Variants in VPS13C observed in about 807,000 individuals in gnomAD.
The protein encoded by VPS13C is intermembrane lipid transfer protein VPS13C.
VPS13C carries 358 observed loss-of-function variants against 456.8 expected under a neutral mutation model. The observed-to-expected ratio is 0.78, with a 90% CI of 0.72 to 0.86. VPS13C has a LOEUF of 0.86. Ranked by LOEUF, VPS13C falls within the 40% of genes least tolerant of loss-of-function variation. The pLI is 0.00. For missense variants in VPS13C, 4,818 were observed against 4,385.4 expected, an observed-to-expected ratio of 1.10 and a Z score of -2.79; for synonymous variants, 1,578 against 1,486.7, an observed-to-expected ratio of 1.06 and a Z score of -1.41.
At chr15:61,887,618 T>C (rs1460511304) in intron 67 of VPS13C, among the ~76,000 whole-genome samples, 1 of 152,058 alleles carries the variant, frequency 6.6e-6, no homozygotes, top group Non-Finnish European at 1.5e-5. Context: ...TTGAGCATAG[T>C]TGGCAGAGGT....
At chr15:61,981,587 G>A (rs1384677386) in intron 21 of VPS13C, 109 bp from the exon 22 acceptor site, 2 of 1,192,650 alleles carry the variant, frequency 1.7e-6, no homozygotes, top group African/African-American at 1.6e-5. Context: ...CAGGTCGGGT[G>A]CGGTGGCTCA....
At chr15:61,873,456 C>A (rs1484832418) in intron 77 of VPS13C, 47 bp from the exon 78 acceptor site, 4 of 1,549,710 alleles carry the variant, frequency 2.6e-6, no homozygotes, top group Non-Finnish European at 3.5e-6. Flanking sequence ...AGGAACTATA[C>A]AAGGAACTCA....
At chr15:62,031,824 G>A (rs1263297616) in intron 5 of VPS13C, among the ~76,000 whole-genome samples, 1 of 151,790 alleles carries the variant, frequency 6.6e-6, no homozygotes, top group Non-Finnish European at 1.5e-5. Context: ...TGTTTTCTCA[G>A]CACTGAAGAC....
intron 14 of VPS13C, among the ~76,000 whole-genome samples, chr15:62,008,221 AC>A (rs955226561): frequency 6.6e-6 from 1 of 151,524 alleles, no homozygotes; most frequent in African/African-American, 2.4e-5. Flanking sequence ...ACAGAGCAAG[AC>A]TCTGTCTCAA....
intron 53 of VPS13C, among the ~76,000 whole-genome samples, chr15:61,925,192 A>C (rs4775453): frequency 0.61 from 91,777 of 150,846 alleles, 28,305 homozygotes; most frequent in East Asian, 0.76. Context: ...CTCAACCCCC[A>C]CAACACACGC....
At chr15:61,896,393 C>T (rs188840049) in intron 66 of VPS13C, among the ~76,000 whole-genome samples, 10 of 152,108 alleles carry the variant, frequency 6.6e-5, no homozygotes, top group Non-Finnish European at 1.5e-4. Context: ...AGTGGGTGCA[C>T]GCATGGTGCG....
At chr15:61,955,393 C>T (rs940023506) in intron 37 of VPS13C, among the ~76,000 whole-genome samples, 3 of 152,168 alleles carry the variant, frequency 2.0e-5, no homozygotes, top group African/African-American at 7.2e-5. Flanking sequence ...TCTTCACTCG[C>T]CACTGTCCCT....
At chr15:61,949,875 C>T (rs1444577795) in intron 41 of VPS13C, among the ~76,000 whole-genome samples, 5 of 152,142 alleles carry the variant, frequency 3.3e-5, no homozygotes. Flanking sequence ...TATTATCAGG[C>T]TTTAAACCAC....
rs751517579 is a variant in VPS13C, at chr15:61,877,102, A to T, written c.10143-48T>A. Reference sequence around the variant, plus strand: ...TTCAAAGATACTAATATTATATGATAAAAAAAGAGACTTAAAATTTGAATG... The same window carrying T: ...TTCAAAGATACTAATATTATATGATTAAAAAAGAGACTTAAAATTTGAATG... On this transcript the variant is annotated intron_variant, in intron 74 of 84. Transcript: ENST00000644861. 2.9e-5 allele frequency: 42 copies of T among 1,433,026 alleles called. No homozygotes were observed. In the South Asian group the frequency reaches 5.0e-4, roughly 17 times the overall value. 88.8% of individuals were successfully genotyped at this position (1,433,026 alleles called of 1,614,324 possible). A position where few individuals can be genotyped will look rare whatever the true frequency, so the allele number is the denominator to read the frequency against.
rs1285288659 is a variant in VPS13C at position 61,983,870 on chromosome 15, C to T, written c.1864G>A (p.Asp622Asn). The change falls in exon 20 of 85, where the codon GAC (aspartate) becomes AAC (asparagine). Residue 622 changes from aspartate to asparagine, a missense_variant. Physicochemically the swap from Asp to Asn is conservative, Grantham distance 23 (BLOSUM62 1). This residue lies in a region of VPS13C where 4,552 missense variants were observed against 4,130.6 expected (regional missense o/e 1.10). Transcript: ENST00000644861. ...TGGGACTGAACAATCAGAGTCTGGT[C>T]AGCAGGACTATCCTCCGGATTGGTT... ...FETNPEDSPA[D>N]QTLIVQSQPV... 1.2e-6 allele frequency: 2 copies of T among 1,613,994 alleles called. No homozygotes were observed. The highest frequency in any genetic ancestry group is 2.7e-5 in the African/African-American group (2 of 74,934).
intron 9 of VPS13C, among the ~76,000 whole-genome samples, chr15:62,019,249 T>A (rs911429379): frequency 1.3e-5 from 2 of 152,286 alleles, no homozygotes; most frequent in African/African-American, 4.8e-5. Flanking sequence ...GCTCCTGGAT[T>A]CATTGATTTT....
Position 62,003,086 on chromosome 15 carries a change from T to C in VPS13C, c.1291-2460A>G, listed in dbSNP as rs577249339. 7.3e-3 allele frequency among the ~76,000 whole-genome samples: 1,113 copies of C among 152,274 alleles called. 15 individuals are homozygous for C. The highest frequency in any genetic ancestry group is 0.025 in the African/African-American group (1,052 of 41,544). ...GCATTGGTAGCTTGATGGGATGGCA[T>C]TGAATCTGTAAATTACCTTGGGCAG... On this transcript the variant is annotated intron_variant, in intron 15 of 84. Transcript: ENST00000644861.
In VPS13C at chr15:61,874,916, C is replaced by T; in HGVS notation, c.10374G>A (p.Gly3458=). Residue 3458 remains glycine (G), a synonymous_variant, in exon 77 of 85, where the codon GGG becomes GGA. Transcript: ENST00000644861. ...AGAGGCTTCTCACTCCAATCACTAA[C>T]CCCTCTGCAAATTCTTCAGGGCCTT... The part of the protein sequence containing the change: ...AVQGPEEFAE[G]LVIGVRSLFG... The T allele has an allele frequency of 1.3e-6, 2 of 1,591,606 alleles. No homozygotes were observed. The highest frequency in any genetic ancestry group is 1.7e-6 in the Non-Finnish European group (2 of 1,170,526).
At chr15:62,000,892 A>G (rs1399230144) in intron 15 of VPS13C, among the ~76,000 whole-genome samples, 1 of 152,202 alleles carries the variant, frequency 6.6e-6, no homozygotes, top group East Asian at 1.9e-4. Flanking sequence ...ACACATAGAC[A>G]TAAATGCACA....
chr15:62,046,770 C>T (rs2048416456), intron 1 of VPS13C, among the ~76,000 whole-genome samples: 1 of 152,136 alleles, frequency 6.6e-6, no homozygotes. Flanking sequence ...TGCAGTGACA[C>T]TTTACTTGTT....
At chr15:61,893,129 T>A (rs1381685950) in intron 66 of VPS13C, among the ~76,000 whole-genome samples, 1 of 152,070 alleles carries the variant, frequency 6.6e-6, no homozygotes, top group African/African-American at 2.4e-5. Flanking sequence ...CAGGTAAAGG[T>A]CACAGATGAC....
Position 61,878,752 on chromosome 15 carries a change from A to G in VPS13C, c.10003-6T>C. 1 of 1,601,446 alleles carries G rather than the reference A, an allele frequency of 6.2e-7. No homozygotes were observed. Among genetic ancestry groups the G allele is most frequent in the Non-Finnish European group, 8.5e-7 (1 of 1,174,828 alleles). On this transcript the variant is annotated splice_polypyrimidine_tract_variant and splice_region_variant and intron_variant, in intron 73 of 84. Coordinates refer to ENST00000644861, the MANE Select transcript of VPS13C (RefSeq NM_020821.3). ...AAAGACAAACTCAAATGCAACTAAA[A>G]GAAAAATAATGTTCAATAAATGAAA...
chr15:61,890,112 T>G, intron 67 of VPS13C, 53 bp downstream of exon 67: 1 of 1,554,662 alleles, frequency 6.4e-7, no homozygotes, highest in South Asian at 1.1e-5. Flanking sequence ...TCGGCTATTA[T>G]GAACTTAATG....
chr15:61,911,824 CAA>C lies in VPS13C; in HGVS notation c.8715+14_8715+15del, dbSNP rs1218846538. On this transcript the variant is annotated intron_variant, in intron 63 of 84. Coordinates refer to ENST00000644861, the MANE Select transcript of VPS13C (RefSeq NM_020821.3). ...TGTATATTTTAGGAATCAGTTGTAACAAAGAAAAATGCTACCTCTGAAGAAGC... is the reference window on the plus strand; with the variant it reads ...TGTATATTTTAGGAATCAGTTGTAACAGAAAAATGCTACCTCTGAAGAAGC... The C allele has an allele frequency of 5.7e-6, 9 of 1,566,678 alleles. No individual in the cohort carries two copies. In the East Asian group the frequency reaches 9.2e-5, roughly 16 times the overall value.
Sources: gnomAD v4.1 joint callset for allele counts (sites outside exome capture counted in the v4.1 genomes callset) on GRCh38, gnomAD v4.1.1 for gene constraint, gnomAD v4.1.1 regional missense constraint, MANE v1.5 for transcripts, NCBI Gene and HGNC (gene_info 2026-07-23, HGNC 2026-07-21) for gene names.